Variants in TRERF1 observed in about 807,000 individuals in gnomAD.
TRERF1 encodes the protein transcriptional regulating factor 1.
TRERF1 carries 27 observed loss-of-function variants against 122.9 expected under a neutral mutation model. The observed-to-expected ratio is 0.22, with a 90% confidence interval of 0.16 to 0.30. The LOEUF (loss-of-function observed/expected upper bound fraction) is 0.30. Among genes scored for constraint, TRERF1 ranks in the 10% least tolerant of loss-of-function variants. The probability of loss-of-function intolerance (pLI) is 1.00; values close to 1 mark genes in which losing one functional copy is unlikely to be tolerated. For synonymous variants in TRERF1, 636 were observed against 641.7 expected, an observed-to-expected ratio of 0.99 and a Z score of 0.13; for missense variants, 1,248 against 1,560.3, an observed-to-expected ratio of 0.80 and a Z score of 3.37.
chr6:42,281,997 T>A (rs1782387201), intron 4 of TRERF1, among the ~76,000 whole-genome samples: 1 of 152,224 alleles, frequency 6.6e-6, no homozygotes, highest in South Asian at 2.1e-4. Context: ...TTCTTTAGGA[T>A]ACATACCCAG....
At chr6:42,334,911 G>C (rs685454) in intron 3 of TRERF1, among the ~76,000 whole-genome samples, 123,533 of 152,244 alleles carry the variant, frequency 0.81, 51,017 homozygotes, top group East Asian at 0.97. Context: ...CTGGCTCACT[G>C]AGCTTCATCT....
At chr6:42,335,103 G>A (rs1208268700) in intron 3 of TRERF1, among the ~76,000 whole-genome samples, 6 of 152,214 alleles carry the variant, frequency 3.9e-5, no homozygotes, top group Non-Finnish European at 8.8e-5. Context: ...GCAAAACTAA[G>A]TATTTATGAG....
At chr6:42,372,847 G>A (rs946031160) in intron 2 of TRERF1, among the ~76,000 whole-genome samples, 1 of 152,208 alleles carries the variant, frequency 6.6e-6, no homozygotes, top group African/African-American at 2.4e-5. Flanking sequence ...ACCACAGGGT[G>A]GGTGGGGCCC....
intron 2 of TRERF1, among the ~76,000 whole-genome samples, chr6:42,427,045 C>G (rs2151620456): frequency 6.6e-6 from 1 of 151,828 alleles, no homozygotes; most frequent in African/African-American, 2.4e-5. Flanking sequence ...CCTATAATCT[C>G]AGCCTCCCAA....
chr6:42,287,763 C>T (rs1004535976), intron 4 of TRERF1, among the ~76,000 whole-genome samples: 3 of 152,172 alleles, frequency 2.0e-5, no homozygotes, highest in African/African-American at 7.2e-5. Flanking sequence ...GCCATCTTCT[C>T]TCATTGCCTA....
At chr6:42,448,950 A>C (rs1788003611) in intron 2 of TRERF1, among the ~76,000 whole-genome samples, 1 of 152,208 alleles carries the variant, frequency 6.6e-6, no homozygotes, top group African/African-American at 2.4e-5. Context: ...AATCATAAAC[A>C]AGCTTTATTT....
At chr6:42,293,496 A>C (rs764920151) in intron 4 of TRERF1, among the ~76,000 whole-genome samples, 1 of 152,210 alleles carries the variant, frequency 6.6e-6, no homozygotes, top group Admixed American at 6.5e-5. Flanking sequence ...GACATCACTG[A>C]AGTGCAAAGA....
chr6:42,342,640 A>G (rs1767505275), intron 3 of TRERF1, among the ~76,000 whole-genome samples: 1 of 152,208 alleles, frequency 6.6e-6, no homozygotes, highest in Admixed American at 6.5e-5. Flanking sequence ...CAGTGCTTAA[A>G]TCCCTTCTAC....
intron 2 of TRERF1, among the ~76,000 whole-genome samples, chr6:42,420,721 T>C (rs1236281105): frequency 6.6e-6 from 1 of 152,212 alleles, no homozygotes; most frequent in African/African-American, 2.4e-5. Context: ...AAATCATATT[T>C]CAATCAAGAA....
intron 2 of TRERF1, among the ~76,000 whole-genome samples, chr6:42,434,849 C>T (rs550911339): frequency 9.0e-4 from 137 of 152,176 alleles, no homozygotes; most frequent in Non-Finnish European, 1.6e-3. Flanking sequence ...AACAATGGGC[C>T]GGGTGTGGTG....
chr6:42,407,096 A>G (rs1324172109), intron 2 of TRERF1, among the ~76,000 whole-genome samples: 1 of 152,214 alleles, frequency 6.6e-6, no homozygotes, highest in Non-Finnish European at 1.5e-5. Flanking sequence ...GTTATGCCCC[A>G]AAGTGTCCTA....
chr6:42,255,976 C>G (rs1469982216), intron 12 of TRERF1, among the ~76,000 whole-genome samples: 2 of 151,828 alleles, frequency 1.3e-5, no homozygotes, highest in African/African-American at 4.8e-5. Flanking sequence ...ACTGAAAATA[C>G]AAAAACTAGC....
chr6:42,450,576 C>CA (rs1788294591), intron 2 of TRERF1, among the ~76,000 whole-genome samples: 1 of 152,350 alleles, frequency 6.6e-6, no homozygotes, highest in Non-Finnish European at 1.5e-5. Flanking sequence ...GCACATGCTC[C>CA]AGTCCAGTGC....
rs1458626570 is a variant in TRERF1, at chr6:42,232,168, A to T, written c.3278+513T>A. 6.6e-6 allele frequency among the ~76,000 whole-genome samples: 1 copy of T among 152,246 alleles called. No individual in the cohort carries two copies. The highest frequency in any genetic ancestry group is 1.5e-5 in the Non-Finnish European group (1 of 68,042). ...GTTGTGCAGCTTGAAGCATGACAAC[A>T]AAAAGTAATTGAGGCTTTGTCTTAA... On this transcript the variant is annotated intron_variant, in intron 17 of 17. Transcript: ENST00000372922. The surrounding 1 kb of genome is among the most constrained non-coding windows in gnomAD (Gnocchi z 4.5).
At chr6:42,366,812 A>G (rs1386845140) in intron 2 of TRERF1, among the ~76,000 whole-genome samples, 1 of 152,144 alleles carries the variant, frequency 6.6e-6, no homozygotes, top group Non-Finnish European at 1.5e-5. Flanking sequence ...CCAGAGCCAC[A>G]AGAGGGAGAT....
At chr6:42,264,590 G>A (rs1778809626) in intron 7 of TRERF1, 114 bp downstream of exon 7, 2 of 1,480,776 alleles carry the variant, frequency 1.4e-6, no homozygotes, top group African/African-American at 2.8e-5. Flanking sequence ...TGTCAAGGGA[G>A]GACTGTGCCT....
intron 3 of TRERF1, among the ~76,000 whole-genome samples, chr6:42,314,792 C>CG (rs1328203666): frequency 2.6e-5 from 4 of 151,942 alleles, no homozygotes; most frequent in Admixed American, 2.6e-4. Context: ...GGGTACATGC[C>CG]GGATGTGACT....
intron 10 of TRERF1, among the ~76,000 whole-genome samples, chr6:42,257,695 A>G (rs971341387): frequency 2.0e-5 from 3 of 152,234 alleles, no homozygotes; most frequent in African/African-American, 7.2e-5. Context: ...ATCCATGAAA[A>G]TAACCACCTT....
intron 2 of TRERF1, among the ~76,000 whole-genome samples, chr6:42,438,832 T>G (rs1026800836): frequency 2.0e-5 from 3 of 152,064 alleles, no homozygotes; most frequent in African/African-American, 7.2e-5. Flanking sequence ...TGTGCTTCTG[T>G]GCAGATTAGA....
Sources: gnomAD v4.1 joint callset for allele counts (sites outside exome capture counted in the v4.1 genomes callset) on GRCh38, gnomAD v4.1.1 for gene constraint, Gnocchi (gnomAD v3.1) non-coding constraint, MANE v1.5 for transcripts, NCBI Gene and HGNC (gene_info 2026-07-23, HGNC 2026-07-21) for gene names.